The following ZBTB46 variants were observed in gnomAD, a reference collection of about 807,000 sequenced individuals.
ZBTB46 encodes zinc finger and BTB domain-containing protein 46.
In ZBTB46, 8 loss-of-function variants were observed where a neutral mutation model predicts 44.1. The observed-to-expected ratio is 0.18, with a 90% CI of 0.11 to 0.33. The LOEUF (loss-of-function observed/expected upper bound fraction) is 0.33. ZBTB46 is among the 10% of genes least tolerant of loss of function. The pLI is 1.00. For missense variants in ZBTB46, 651 were observed against 847.7 expected (o/e 0.77, Z 2.88); for synonymous variants, 409 against 382.3 (o/e 1.07, Z -0.81).
intron 2 of ZBTB46, among the ~76,000 whole-genome samples, chr20:63,788,966 G>C (rs923726226): frequency 5.3e-5 from 8 of 150,800 alleles, no homozygotes; most frequent in African/African-American, 1.9e-4. Flanking sequence ...CTCCCAAGTA[G>C]CTGGGATTAC....
chr20:63,748,998 G>A (rs375220258), intron 4 of ZBTB46, among the ~76,000 whole-genome samples: 12 of 152,194 alleles, frequency 7.9e-5, no homozygotes, highest in African/African-American at 2.2e-4. Context: ...TCAGTGTTCC[G>A]AATCCACAGG....
At chr20:63,821,446 T>TTTC (rs1318201351) in intron 1 of ZBTB46, among the ~76,000 whole-genome samples, 3 of 150,000 alleles carry the variant, frequency 2.0e-5, no homozygotes, top group Non-Finnish European at 4.5e-5. Flanking sequence ...CACGCTTTTT[T>TTTC]TTTTTTTTCT....
At chr20:63,820,440 T>TG (rs2092785466) in intron 1 of ZBTB46, among the ~76,000 whole-genome samples, 2 of 148,252 alleles carry the variant, frequency 1.3e-5, no homozygotes, top group African/African-American at 5.2e-5. Flanking sequence ...ATTATATATA[T>TG]ATATTTTTTT....
At chr20:63,804,659 C>T (rs1237656241) in intron 1 of ZBTB46, among the ~76,000 whole-genome samples, 8 of 152,040 alleles carry the variant, frequency 5.3e-5, no homozygotes, top group Non-Finnish European at 1.2e-4. Context: ...TTTGGGAGGC[C>T]AAGGCAGGTG....
In ZBTB46 at chr20:63,746,748, T is replaced by C; in HGVS notation, c.*182A>G. Reference sequence around the variant, plus strand: ...TTCATGTCTGGTCCCAGAGCACCCCTCTTGCTGGGGTCGCACCTGCTTAGC... The same window carrying C: ...TTCATGTCTGGTCCCAGAGCACCCCCCTTGCTGGGGTCGCACCTGCTTAGC... On this transcript the variant is annotated 3_prime_UTR_variant, in exon 5 of 5. Transcript: ENST00000245663. 2.1e-6 allele frequency: 2 copies of C among 965,266 alleles called. No individual in the cohort carries two copies. The highest frequency in any genetic ancestry group is 2.9e-6 in the Non-Finnish European group (2 of 695,560). 59.8% of individuals were successfully genotyped at this position (965,266 alleles called of 1,614,324 possible). A position where few individuals can be genotyped will look rare whatever the true frequency, so the allele number is the denominator to read the frequency against.
chr20:63,829,241 C>T (rs1027208223), intron 1 of ZBTB46, among the ~76,000 whole-genome samples: 1 of 152,200 alleles, frequency 6.6e-6, no homozygotes, highest in South Asian at 2.1e-4. Flanking sequence ...CCAACCCGAA[C>T]ATCCGAAACA....
intron 1 of ZBTB46, among the ~76,000 whole-genome samples, chr20:63,800,687 G>C (rs983803739): frequency 3.9e-5 from 6 of 152,224 alleles, no homozygotes; most frequent in Non-Finnish European, 7.4e-5. Context: ...CTTAGCACCC[G>C]GGCCAGCAGC....
intron 3 of ZBTB46, among the ~76,000 whole-genome samples, chr20:63,756,380 C>T (rs2092220525): frequency 6.6e-6 from 1 of 152,194 alleles, no homozygotes; most frequent in South Asian, 2.1e-4. Context: ...CCTGAGTCTT[C>T]ATCACAAAAC....
chr20:63,797,007 TTTTG>T (rs1481985492), intron 1 of ZBTB46, among the ~76,000 whole-genome samples: 24 of 152,056 alleles, frequency 1.6e-4, no homozygotes. Flanking sequence ...CGGTTTTTGT[TTTTG>T]TTTTTTTATA....
chr20:63,802,306 C>G (rs920793157), intron 1 of ZBTB46, among the ~76,000 whole-genome samples: 2 of 151,976 alleles, frequency 1.3e-5, no homozygotes, highest in Non-Finnish European at 2.9e-5. Context: ...GTCTGTAATC[C>G]CAGCTACTCA....
chr20:63,822,693 G>C (rs934988900), intron 1 of ZBTB46, among the ~76,000 whole-genome samples: 1 of 152,266 alleles, frequency 6.6e-6, no homozygotes, highest in East Asian at 1.9e-4. Context: ...GAAAACATGA[G>C]AGTGAAGCCT....
At chr20:63,831,425 C>T (rs1488995446), upstream of ZBTB46, among the ~76,000 whole-genome samples, 1 of 143,742 alleles carries the variant, frequency 7.0e-6, no homozygotes, top group East Asian at 2.1e-4. Flanking sequence ...CACGCCGGCC[C>T]GGCCGCCGGC....
intron 1 of ZBTB46, among the ~76,000 whole-genome samples, chr20:63,809,288 A>T (rs546333476): frequency 2.0e-5 from 3 of 152,164 alleles, no homozygotes; most frequent in Non-Finnish European, 4.4e-5. Context: ...TCCAGTCCTC[A>T]TGGCCGCGTC....
chr20:63,798,711 T>G (rs1601495249), intron 1 of ZBTB46, among the ~76,000 whole-genome samples: 2 of 96,768 alleles, frequency 2.1e-5, no homozygotes, highest in Non-Finnish European at 4.0e-5. Flanking sequence ...GGCATGGTAG[T>G]GCACACCTGT....
intron 2 of ZBTB46, among the ~76,000 whole-genome samples, chr20:63,786,261 C>T (rs527353738): frequency 6.6e-6 from 1 of 152,334 alleles, no homozygotes; most frequent in East Asian, 1.9e-4. Context: ...TGGCCCTGAC[C>T]TGCTGCCTGT....
chr20:63,782,784 A>G (rs2092481527), intron 2 of ZBTB46, among the ~76,000 whole-genome samples: 1 of 152,150 alleles, frequency 6.6e-6, no homozygotes, highest in Non-Finnish European at 1.5e-5. Flanking sequence ...CCAGAGATGC[A>G]AGGACACCCT....
intron 1 of ZBTB46, among the ~76,000 whole-genome samples, chr20:63,820,758 T>A (rs1444151796): frequency 2.0e-5 from 3 of 151,872 alleles, no homozygotes; most frequent in African/African-American, 7.3e-5. Context: ...AGATGGAGCC[T>A]CACACTGTTG....
intron 3 of ZBTB46, among the ~76,000 whole-genome samples, chr20:63,761,669 C>T (rs1319819118): frequency 6.6e-6 from 1 of 151,670 alleles, no homozygotes; most frequent in Non-Finnish European, 1.5e-5. Context: ...GTAATCCCAG[C>T]TACTCGGGAG....
chr20:63,829,168 C>T (rs1342599044), intron 1 of ZBTB46, among the ~76,000 whole-genome samples: 1 of 152,196 alleles, frequency 6.6e-6, no homozygotes, highest in Non-Finnish European at 1.5e-5. Context: ...ACGGAGGACG[C>T]AGGGCACTGG....
Sources: gnomAD v4.1 joint callset for allele counts (sites outside exome capture counted in the v4.1 genomes callset) on GRCh38, gnomAD v4.1.1 for gene constraint, MANE v1.5 for transcripts, NCBI Gene and HGNC (gene_info 2026-07-23, HGNC 2026-07-21) for gene names.